OTUD7B: variants seen among roughly 807,000 people sequenced by gnomAD.
The protein encoded by OTUD7B is OTU deubiquitinase 7B, also known as OTU domain-containing protein 7B.
A neutral mutation model predicts 82.2 loss-of-function variants in OTUD7B; 34 were observed. The observed-to-expected ratio is 0.41, with a 90% CI of 0.31 to 0.55. The LOEUF is 0.55. Among genes scored for constraint, OTUD7B ranks in the 20% least tolerant of loss-of-function variants. The pLI, the probability that OTUD7B is intolerant of heterozygous loss-of-function variation, is 0.20. For synonymous variants in OTUD7B, 398 were observed against 402.7 expected, an observed-to-expected ratio of 0.99 and a Z score of 0.14; for missense variants, 944 against 1,062.1, an observed-to-expected ratio of 0.89 and a Z score of 1.55.
chr1:150,059,298 C>CG, the OTUD7B span, among the ~76,000 whole-genome samples: 4 of 27,218 alleles, frequency 1.5e-4, 1 homozygote, highest in Non-Finnish European at 3.7e-4. Context: ...CGTGATCCAC[C>CG]CCCCCCCCCC....
At chr1:149,985,458 TCA>T (rs1389559914) in intron 1 of OTUD7B, among the ~76,000 whole-genome samples, 1 of 152,042 alleles carries the variant, frequency 6.6e-6, no homozygotes, top group Non-Finnish European at 1.5e-5. Flanking sequence ...GCATGCTGGC[TCA>T]CGCCTGGTGG....
At chr1:149,953,233 A>G (rs1181378177) in intron 7 of OTUD7B, among the ~76,000 whole-genome samples, 1 of 152,214 alleles carries the variant, frequency 6.6e-6, no homozygotes, top group Non-Finnish European at 1.5e-5. Flanking sequence ...TATAAGGTGT[A>G]AGGAAGGGAT....
At chr1:150,065,870 G>T in the OTUD7B span, among the ~76,000 whole-genome samples, 9 of 127,100 alleles carry the variant, frequency 7.1e-5, no homozygotes, top group Non-Finnish European at 1.3e-4. Context: ...ATATCTTATC[G>T]CTCAATGTAT....
At chr1:150,013,530 G>A (rs1225635099), upstream of OTUD7B, among the ~76,000 whole-genome samples, 1 of 152,056 alleles carries the variant, frequency 6.6e-6, no homozygotes, top group Non-Finnish European at 1.5e-5. Flanking sequence ...GTTCTGGGGA[G>A]TTTTTAAAAA....
intron 1 of OTUD7B, among the ~76,000 whole-genome samples, chr1:149,980,980 T>A (rs1650682156): frequency 7.9e-6 from 1 of 126,662 alleles, no homozygotes; most frequent in Non-Finnish European, 1.6e-5. Context: ...GTGCCCCTAC[T>A]CTTCAGGCTG....
intron 1 of OTUD7B, among the ~76,000 whole-genome samples, chr1:149,995,253 T>C (rs1171981310): frequency 2.6e-5 from 4 of 152,262 alleles, no homozygotes; most frequent in Non-Finnish European, 4.4e-5. Flanking sequence ...CAATACTAAA[T>C]TGATTAGCTT....
At chr1:149,969,676 GC>G in intron 3 of OTUD7B, among the ~76,000 whole-genome samples, 1 of 152,214 alleles carries the variant, frequency 6.6e-6, no homozygotes, top group East Asian at 1.9e-4. Flanking sequence ...TACATACATT[GC>G]ATTGTGTCTT....
chr1:149,949,289 T>TC (rs1194708275), intron 9 of OTUD7B, among the ~76,000 whole-genome samples: 2 of 152,132 alleles, frequency 1.3e-5, no homozygotes, highest in East Asian at 1.9e-4. Flanking sequence ...TCTCCCTGAG[T>TC]CCCCACCAGT....
chr1:149,956,550 C>G (rs941711070), intron 7 of OTUD7B, among the ~76,000 whole-genome samples: 7 of 152,128 alleles, frequency 4.6e-5, no homozygotes, highest in African/African-American at 1.7e-4. Context: ...TTGTGGCGTT[C>G]TCTGTATTCC....
intron 1 of OTUD7B, among the ~76,000 whole-genome samples, chr1:149,986,617 G>A (rs1651160621): frequency 6.6e-6 from 1 of 152,198 alleles, no homozygotes; most frequent in African/African-American, 2.4e-5. Context: ...CATTAGAGCT[G>A]CATTTGAGTC....
chr1:149,971,019 C>T (rs1553777494), intron 3 of OTUD7B, 44 bp downstream of exon 3: 3 of 1,442,240 alleles, frequency 2.1e-6, no homozygotes, highest in Admixed American at 4.1e-5. Context: ...ACAATCCCCT[C>T]CCTTCCTACT....
intron 7 of OTUD7B, among the ~76,000 whole-genome samples, chr1:149,957,663 T>C (rs1420261487): frequency 6.6e-6 from 1 of 152,200 alleles, no homozygotes; most frequent in Non-Finnish European, 1.5e-5. Context: ...GCAGGCCTCC[T>C]TGAGCTGCAG....
chr1:150,065,929 GAGTT>G, the OTUD7B span, among the ~76,000 whole-genome samples: 13 of 147,736 alleles, frequency 8.8e-5, no homozygotes, highest in African/African-American at 3.5e-4. Context: ...GAAATGGAAT[GAGTT>G]AGTAAGTGTC....
chr1:149,964,556 T>C (rs1649391909), intron 5 of OTUD7B, among the ~76,000 whole-genome samples: 1 of 151,674 alleles, frequency 6.6e-6, no homozygotes, highest in Non-Finnish European at 1.5e-5. Flanking sequence ...AAGTTGTAAA[T>C]TGACTTAATT....
At position 149,948,979 on chromosome 1, in the gene OTUD7B, G is replaced by A; in HGVS notation, c.1228C>T (p.Arg410Ter). The change falls in exon 10 of 12, where the codon CGA becomes TGA. Residue 410 changes from arginine to a stop codon, truncating the protein, a stop_gained. Coordinates refer to ENST00000581312, the MANE Select transcript of OTUD7B (RefSeq NM_020205.4). LOFTEE classifies it high-confidence loss of function. The stretch of plus-strand genomic sequence containing the variant: ...CTAGGCCTGGCTTACCTGGCCAATC[G>A]GACATTGTCACTATCATCTTTGCCC... ...EWGKDDSDNV[R>*]LASVILSLEV... The A allele has an allele frequency of 6.2e-7, 1 of 1,608,666 alleles. No homozygotes were observed. The highest frequency in any genetic ancestry group is 1.1e-5 in the South Asian group (1 of 90,982).
chr1:149,969,234 G>A (rs587763624), intron 3 of OTUD7B, among the ~76,000 whole-genome samples: 1 of 152,198 alleles, frequency 6.6e-6, no homozygotes, highest in South Asian at 2.1e-4. Flanking sequence ...GAGGCAGTAG[G>A]ATCCCTTGAG....
chr1:149,956,546 C>T (rs1464920472), intron 7 of OTUD7B, among the ~76,000 whole-genome samples: 5 of 152,036 alleles, frequency 3.3e-5, no homozygotes, highest in Admixed American at 6.6e-5. Flanking sequence ...ATCTTTGTGG[C>T]GTTCTCTGTA....
intron 6 of OTUD7B, chr1:149,961,770 A>ACCCAAGG (rs1485380831): frequency 1.3e-5 from 2 of 152,218 alleles, no homozygotes; most frequent in African/African-American, 4.8e-5. Flanking sequence ...TATGCAATAC[A>ACCCAAGG]CCCAAGGTCT....
intron 11 of OTUD7B, among the ~76,000 whole-genome samples, chr1:149,946,823 C>A (rs976141702): frequency 1.4e-5 from 2 of 143,410 alleles, no homozygotes; most frequent in Admixed American, 1.4e-4. Context: ...GAGGCTGAGG[C>A]GGGCAGATCA....
Sources: allele counts gnomAD v4.1 joint callset (sites outside exome capture counted in the v4.1 genomes callset), GRCh38; gene constraint gnomAD v4.1.1; transcripts MANE v1.5; gene names NCBI Gene and HGNC (gene_info 2026-07-23, HGNC 2026-07-21).